PTPRM: variants seen among roughly 807,000 people sequenced by gnomAD.
PTPRM encodes receptor-type tyrosine-protein phosphatase mu.
PTPRM carries 47 observed loss-of-function variants against 186.7 expected under a neutral mutation model. The observed-to-expected ratio is 0.25, with a 90% CI of 0.20 to 0.32. The LOEUF is 0.32. Ranked by LOEUF, PTPRM falls within the 10% of genes least tolerant of loss-of-function variation. The pLI, the probability that PTPRM is intolerant of heterozygous loss-of-function variation, is 1.00. For synonymous variants in PTPRM, 668 were observed against 674.9 expected, an observed-to-expected ratio of 0.99 and a Z score of 0.16; for missense variants, 1,494 against 1,865.0, an observed-to-expected ratio of 0.80 and a Z score of 3.66.
intron 2 of PTPRM, among the ~76,000 whole-genome samples, chr18:7,878,099 C>T (rs2048332434): frequency 6.6e-6 from 1 of 152,126 alleles, no homozygotes; most frequent in Non-Finnish European, 1.5e-5. Flanking sequence ...CCAGCATTTG[C>T]TTTAATTTAA....
chr18:8,198,999 T>C (rs2093816945), intron 14 of PTPRM, among the ~76,000 whole-genome samples: 1 of 152,036 alleles, frequency 6.6e-6, no homozygotes, highest in African/African-American at 2.4e-5. Context: ...CAGACCCTCC[T>C]CAGATGCGCA....
chr18:8,208,368 T>C (rs755739314), intron 14 of PTPRM, among the ~76,000 whole-genome samples: 1 of 152,136 alleles, frequency 6.6e-6, no homozygotes, highest in Non-Finnish European at 1.5e-5. Flanking sequence ...TAACAAAATC[T>C]CTCCTCTTGT....
intron 2 of PTPRM, among the ~76,000 whole-genome samples, chr18:7,840,122 T>C (rs1005327151): frequency 5.3e-5 from 8 of 149,868 alleles, no homozygotes; most frequent in Non-Finnish European, 8.9e-5. Flanking sequence ...GGAGGGGTGG[T>C]GTCCTTGGCA....
Position 8,370,691 on chromosome 18 carries a change from G to T in PTPRM, c.3055-199G>T, listed in dbSNP as rs73939458. ...CTTAGACCATTTTTCCAGGTTTTACGTCTCCCATAACTCAAATATTGTTTT... is the reference window on the plus strand; with the variant it reads ...CTTAGACCATTTTTCCAGGTTTTACTTCTCCCATAACTCAAATATTGTTTT... On this transcript the variant is annotated intron_variant, in intron 23 of 32. Transcript: ENST00000580170. Among the ~76,000 whole-genome samples, 3,726 of 152,118 alleles carry T rather than the reference G, an allele frequency of 0.024. 60 individuals are homozygous for T. The highest frequency in any genetic ancestry group is 0.049 in the African/African-American group (2,021 of 41,484).
chr18:7,626,192 A>C (rs770340333), intron 1 of PTPRM, among the ~76,000 whole-genome samples: 5 of 152,250 alleles, frequency 3.3e-5, no homozygotes, highest in African/African-American at 4.8e-5. Context: ...ACTTCATTCT[A>C]GGCTTGCTTT....
intron 32 of PTPRM, among the ~76,000 whole-genome samples, chr18:8,402,517 A>C (rs143353932): frequency 6.6e-6 from 1 of 152,222 alleles, no homozygotes; most frequent in Non-Finnish European, 1.5e-5. Flanking sequence ...GAAATATGTT[A>C]AAAGGATGGC....
At chr18:8,339,092 G>C (rs2095458106) in intron 22 of PTPRM, among the ~76,000 whole-genome samples, 1 of 151,936 alleles carries the variant, frequency 6.6e-6, no homozygotes, top group South Asian at 2.1e-4. Flanking sequence ...CCATGAACTA[G>C]AGAACTCATC....
At chr18:8,062,931 C>G (rs1457600825) in intron 7 of PTPRM, among the ~76,000 whole-genome samples, 1 of 145,808 alleles carries the variant, frequency 6.9e-6, no homozygotes, top group Non-Finnish European at 1.5e-5. Flanking sequence ...GCCCTGCCCC[C>G]AGAGGTGGAG....
rs10708528 is a variant in PTPRM, at chr18:8,038,380, A to ATTTT, written c.1133-31290_1133-31287dup. Among the ~76,000 whole-genome samples the ATTTT allele has an allele frequency of 6.7e-4, 83 of 124,372 alleles. 1 individual carries two copies. Among genetic ancestry groups the ATTTT allele is most frequent in the African/African-American group, 2.4e-3 (78 of 32,510 alleles). The allele number at this position is 124,372 out of a possible 152,430, so 81.6% of individuals were successfully genotyped here. On this transcript the variant is annotated intron_variant, in intron 7 of 32. Transcript: ENST00000580170. Reference sequence around the variant, plus strand: ...TATTTTTTCCTCAATTAGCTTTTAGATTTTTTTTTTTTTTTTTTTGGTGTT... The same window carrying ATTTT: ...TATTTTTTCCTCAATTAGCTTTTAGATTTTTTTTTTTTTTTTTTTTTTTGGTGTT...
chr18:7,761,913 A>G (rs1258982627), intron 1 of PTPRM, among the ~76,000 whole-genome samples: 1 of 152,184 alleles, frequency 6.6e-6, no homozygotes, highest in Non-Finnish European at 1.5e-5. Context: ...TGTTCAGTGA[A>G]TGGAGTCCAT....
chr18:7,627,726 A>G (rs1233452458), intron 1 of PTPRM, among the ~76,000 whole-genome samples: 2 of 152,236 alleles, frequency 1.3e-5, no homozygotes, highest in Non-Finnish European at 2.9e-5. Flanking sequence ...GCCTCCTTCA[A>G]CATTTCAGAC....
intron 7 of PTPRM, among the ~76,000 whole-genome samples, chr18:8,010,819 T>C (rs1244268601): frequency 6.6e-6 from 1 of 152,172 alleles, no homozygotes; most frequent in Non-Finnish European, 1.5e-5. Context: ...TTGAGCCAGA[T>C]TCACTTTTAA....
intron 4 of PTPRM, among the ~76,000 whole-genome samples, chr18:7,920,616 T>G (rs1158434601): frequency 6.6e-6 from 1 of 152,222 alleles, no homozygotes; most frequent in Non-Finnish European, 1.5e-5. Context: ...TCACAATACT[T>G]ACGAATAGAT....
chr18:7,679,517 T>G (rs1568024547), intron 1 of PTPRM, among the ~76,000 whole-genome samples: 1 of 151,946 alleles, frequency 6.6e-6, no homozygotes, highest in Non-Finnish European at 1.5e-5. Context: ...ATAAAGAAAT[T>G]AGCTGGCTAT....
chr18:8,209,777 A>G (rs2146943837), intron 14 of PTPRM, among the ~76,000 whole-genome samples: 1 of 152,058 alleles, frequency 6.6e-6, no homozygotes, highest in Non-Finnish European at 1.5e-5. Context: ...GAACAATGAG[A>G]ACACATGGAC....
chr18:7,896,593 C>T (rs1020130022), intron 3 of PTPRM, among the ~76,000 whole-genome samples: 1 of 152,168 alleles, frequency 6.6e-6, no homozygotes, highest in African/African-American at 2.4e-5. Context: ...TGGGCATGGA[C>T]TATAGGGAAT....
chr18:8,116,040 G>A (rs1307633423), intron 13 of PTPRM, among the ~76,000 whole-genome samples: 4 of 152,132 alleles, frequency 2.6e-5, no homozygotes, highest in Non-Finnish European at 4.4e-5. Flanking sequence ...GTGACTTTAT[G>A]TATAGAAATA....
At chr18:8,007,512 T>C (rs1277434335) in intron 7 of PTPRM, among the ~76,000 whole-genome samples, 1 of 152,168 alleles carries the variant, frequency 6.6e-6, no homozygotes, top group Non-Finnish European at 1.5e-5. Flanking sequence ...TATCTCTTTT[T>C]CAAATGAAAT....
intron 19 of PTPRM, among the ~76,000 whole-genome samples, chr18:8,275,529 T>C (rs2147674484): frequency 6.6e-6 from 1 of 152,310 alleles, no homozygotes; most frequent in South Asian, 2.1e-4. Context: ...TTTCTGCTGT[T>C]TGAGGCATGA....
Sources: allele counts gnomAD v4.1 joint callset (sites outside exome capture counted in the v4.1 genomes callset), GRCh38; gene constraint gnomAD v4.1.1; transcripts MANE v1.5; gene names NCBI Gene and HGNC (gene_info 2026-07-23, HGNC 2026-07-21).